Variants in GPRC5C observed in about 807,000 individuals in gnomAD.
GPRC5C encodes G protein-coupled receptor family C group 5 member C.
In GPRC5C, 22 loss-of-function variants were observed where a neutral mutation model predicts 31.4. The ratio of observed to expected loss-of-function variants is 0.70; its 90% confidence interval spans 0.50 to 1.00. The LOEUF is 1.00. Among genes scored for constraint, GPRC5C ranks in the 50% least tolerant of loss-of-function variants. GPRC5C has a pLI of 0.00. For synonymous variants in GPRC5C, 249 were observed against 257.5 expected, an observed-to-expected ratio of 0.97 and a Z score of 0.32; for missense variants, 557 against 597.2, an observed-to-expected ratio of 0.93 and a Z score of 0.70.
chr17:74,432,555 CG>C (rs2055369957), intron 1 of GPRC5C: 9 of 985,966 alleles, frequency 9.1e-6, no homozygotes, highest in Non-Finnish European at 1.1e-5. Flanking sequence ...CTCCGCCGCC[CG>C]GAAGAGTCGG....
chr17:74,433,193 G>A, intron 1 of GPRC5C, among the ~76,000 whole-genome samples: 1 of 152,130 alleles, frequency 6.6e-6, no homozygotes, highest in Non-Finnish European at 1.5e-5. Flanking sequence ...AGAGGAGACT[G>A]TTGGAAGTAG....
At position 74,440,766 on chromosome 17, in the gene GPRC5C, G is replaced by A; in HGVS notation, c.990G>A (p.Glu330=). The A allele has an allele frequency of 6.4e-7, 1 of 1,573,106 alleles. No individual in the cohort carries two copies. The highest frequency in any genetic ancestry group is 1.7e-5 in the Admixed American group (1 of 57,144). Residue 330 remains glutamate, a synonymous_variant, in exon 2 of 4, where the codon GAG becomes GAA. Coordinates refer to ENST00000392627, the MANE Select transcript of GPRC5C (RefSeq NM_022036.4). This position sits in a 1 kb window ranked among gnomAD's most constrained non-coding sequence, Gnocchi z 4.4. ...RGVGYETILK[E]QKGQSMFVEN... ...TGGGCTATGAGACCATCCTGAAAGA[G>A]CAGAAGGGTCAGAGCATGTTCGTGG...
In GPRC5C at chr17:74,440,139, C is replaced by T. The variant is rs1471766671; in HGVS notation, c.363C>T (p.Phe121=). ...PDFSTCASRR[F]LFGVLFAICF... is the part of the protein sequence containing the mutation. The stretch of plus-strand genomic sequence containing the variant: ...TCTCCACCTGTGCCTCTCGGCGCTT[C>T]CTCTTTGGGGTTCTGTTCGCCATCT... The change falls in exon 2 of 4, where the codon TTC becomes TTT. Residue 121 remains phenylalanine (F), a synonymous_variant. Coordinates refer to ENST00000392627, the MANE Select transcript of GPRC5C (RefSeq NM_022036.4). This position sits in a 1 kb window ranked among gnomAD's most constrained non-coding sequence, Gnocchi z 4.4. 2 of 1,614,094 alleles carry T rather than the reference C, an allele frequency of 1.2e-6. No individual in the cohort carries two copies. The highest frequency in any genetic ancestry group is 1.3e-5 in the African/African-American group (1 of 74,932).
chr17:74,433,496 G>A (rs1194296986), intron 1 of GPRC5C, among the ~76,000 whole-genome samples: 3 of 152,232 alleles, frequency 2.0e-5, no homozygotes, highest in Non-Finnish European at 4.4e-5. Flanking sequence ...CCAGGCACAG[G>A]CGTCTCCTGT....
intron 1 of GPRC5C, among the ~76,000 whole-genome samples, chr17:74,434,938 G>A (rs563648490): frequency 6.7e-6 from 1 of 149,764 alleles, no homozygotes; most frequent in East Asian, 2.0e-4. Context: ...AAAAAAAAAA[G>A]GCTGGGCGCA....
In GPRC5C at chr17:74,443,829, G is replaced by T; in HGVS notation, c.1063G>T (p.Val355Leu). Residue 355 changes from valine (V) to leucine (L), a missense_variant, in exon 3 of 4, where the codon GTG becomes TTG. Coordinates refer to ENST00000392627, the MANE Select transcript of GPRC5C (RefSeq NM_022036.4). ...GCTTTTCCTTGTAGCTAAGAGGCCGGTGTCACCATACAGCGGGTACAATGG... is the reference window on the plus strand; with the variant it reads ...GCTTTTCCTTGTAGCTAAGAGGCCGTTGTCACCATACAGCGGGTACAATGG... ...MDEPVAAKRP[V>L]SPYSGYNGQL... is the part of the protein sequence containing the mutation. The T allele has an allele frequency of 1.2e-6, 2 of 1,611,362 alleles. No homozygotes were observed. Among genetic ancestry groups the T allele is most frequent in the Non-Finnish European group, 1.7e-6 (2 of 1,177,502 alleles).
intron 3 of GPRC5C, among the ~76,000 whole-genome samples, chr17:74,444,367 C>T (rs1489596042): frequency 6.6e-6 from 1 of 152,202 alleles, no homozygotes; most frequent in African/African-American, 2.4e-5. Context: ...CCCACACTCT[C>T]CTCCCTCTCT....
intron 1 of GPRC5C, among the ~76,000 whole-genome samples, chr17:74,437,571 A>T (rs1027123639): frequency 1.7e-4 from 25 of 150,296 alleles, no homozygotes; most frequent in Non-Finnish European, 3.2e-4. Flanking sequence ...ACTTAATTTT[A>T]TGAGTTGCAT....
chr17:74,436,921 TTTG>T lies in GPRC5C; in HGVS notation c.-32-2807_-32-2805del, dbSNP rs992332477. Among the ~76,000 whole-genome samples, 12 of 152,170 alleles carry T rather than the reference TTTG, an allele frequency of 7.9e-5. No homozygotes were observed. The South Asian group carries it at 8.3e-4, about 11-fold the overall frequency. ...TGGGTCCATATTACGCCTTCCCTTT[TTTG>T]TTGTTGTTGTTGTTGTCGTTGTTGT... On this transcript the variant is annotated intron_variant, in intron 1 of 3. Coordinates refer to ENST00000392627, the MANE Select transcript of GPRC5C (RefSeq NM_022036.4).
chr17:74,439,148 T>G (rs967372266), intron 1 of GPRC5C, among the ~76,000 whole-genome samples: 5 of 152,324 alleles, frequency 3.3e-5, no homozygotes, highest in African/African-American at 1.2e-4. Context: ...AGGCAAAAAA[T>G]GGAGGATTCT....
At chr17:74,442,088 C>T (rs953102115) in intron 2 of GPRC5C, among the ~76,000 whole-genome samples, 15 of 152,096 alleles carry the variant, frequency 9.9e-5, no homozygotes, top group East Asian at 5.8e-4. Context: ...CTGCAACCTC[C>T]GCCTCCCGGG....
chr17:74,445,993 C>CCCTCA (rs1555634017), intron 3 of GPRC5C: 4 of 92,540 alleles, frequency 4.3e-5, no homozygotes, highest in African/African-American at 2.7e-4. Context: ...ACCCCCCCCC[C>CCCTCA]CCGCCCACCA....
In GPRC5C at chr17:74,439,769, G is replaced by A; in HGVS notation, c.-8G>A. On this transcript the variant is annotated 5_prime_UTR_variant, in exon 2 of 4. Coordinates refer to ENST00000392627, the MANE Select transcript of GPRC5C (RefSeq NM_022036.4). ...GGGACCCAACCAGAGCCTGGCCTGG[G>A]AGCCAGGATGGCCATCCACAAAGCC... 1 of 1,608,956 alleles carries A rather than the reference G, an allele frequency of 6.2e-7. No homozygotes were observed. Among genetic ancestry groups the A allele is most frequent in the Non-Finnish European group, 8.5e-7 (1 of 1,176,808 alleles).
At chr17:74,443,440 G>T (rs1037099508) in intron 2 of GPRC5C, 3 of 378,986 alleles carry the variant, frequency 7.9e-6, no homozygotes, top group African/African-American at 4.2e-5. Flanking sequence ...GCTGGAGGCT[G>T]GCCATCTTGG....
At chr17:74,435,193 TG>T (rs1194321899) in intron 1 of GPRC5C, among the ~76,000 whole-genome samples, 1 of 151,920 alleles carries the variant, frequency 6.6e-6, no homozygotes, top group Non-Finnish European at 1.5e-5. Flanking sequence ...CGCTCCAGCC[TG>T]GGCGACAGAG....
chr17:74,432,644 C>G (rs1407891171), intron 1 of GPRC5C: 1 of 432,510 alleles, frequency 2.3e-6, no homozygotes, highest in Non-Finnish European at 3.1e-6. Flanking sequence ...CGCGCCAACT[C>G]CGCTCGGTCG....
chr17:74,432,103 C>T lies in GPRC5C; in HGVS notation c.-71C>T. 1 of 1,613,510 alleles carries T rather than the reference C, an allele frequency of 6.2e-7. No individual in the cohort carries two copies. Among genetic ancestry groups the T allele is most frequent in the Non-Finnish European group, 8.5e-7 (1 of 1,179,856 alleles). On this transcript the variant is annotated 5_prime_UTR_variant, in exon 1 of 4. Transcript: ENST00000392627. ...CGGCAGGGCCAGAAACTCCCATCTC[C>T]CTCACCAGCCGGAAAGTACGAGTCG...
rs150501707 is a variant in GPRC5C at position 74,446,851 on chromosome 17, C to T, written c.1149C>T (p.Ser383=). Residue 383 remains serine (S), a splice_region_variant and synonymous_variant, in exon 4 of 4, where the codon TCC becomes TCT. Transcript: ENST00000392627. ...AGACCGCCTGTTCTTCCTTCCAGTCCGAAGGAGCTTACGACATCATCCTCC... is the reference window on the plus strand; with the variant it reads ...AGACCGCCTGTTCTTCCTTCCAGTCTGAAGGAGCTTACGACATCATCCTCC... ...TEMALMHKVP[S]EGAYDIILPR... 106 of 1,608,340 alleles carry T rather than the reference C, an allele frequency of 6.6e-5. No homozygotes were observed. In the Middle Eastern group the frequency reaches 6.6e-4, roughly 10 times the overall value.
At position 74,440,556 on chromosome 17, in the gene GPRC5C, C is replaced by T. The variant is rs1010914923; in HGVS notation, c.780C>T (p.Ile260=). The stretch of plus-strand genomic sequence containing the variant: ...CCGTTGCCATATGGGTGGTGTGGAT[C>T]GTCATGTATACTTACGGCAACAAGC... ...ATSVAIWVVW[I]VMYTYGNKQH... The change falls in exon 2 of 4, where the codon ATC becomes ATT. Residue 260 remains isoleucine (I), a synonymous_variant. Transcript: ENST00000392627. The surrounding 1 kb of genome is among the most constrained non-coding windows in gnomAD (Gnocchi z 4.4). The T allele has an allele frequency of 6.8e-6, 11 of 1,614,040 alleles. No homozygotes were observed. Among genetic ancestry groups the T allele is most frequent in the African/African-American group, 6.7e-5 (5 of 74,924 alleles).
Sources: allele counts gnomAD v4.1 joint callset (sites outside exome capture counted in the v4.1 genomes callset), GRCh38; gene constraint gnomAD v4.1.1; non-coding constraint Gnocchi (gnomAD v3.1); transcripts MANE v1.5; gene names NCBI Gene and HGNC (gene_info 2026-07-23, HGNC 2026-07-21).